LRP2: variants seen among roughly 807,000 people sequenced by gnomAD.
LRP2 encodes the protein LDL receptor related protein 2, also known as low-density lipoprotein receptor-related protein 2.
LRP2 carries 172 observed loss-of-function variants against 531.0 expected under a neutral mutation model. The observed-to-expected ratio is 0.32, with a 90% CI of 0.29 to 0.37. The LOEUF (loss-of-function observed/expected upper bound fraction) is 0.37. LRP2 is among the 10% of genes least tolerant of loss of function. The probability of loss-of-function intolerance (pLI) is 1.00; values close to 1 mark genes in which losing one functional copy is unlikely to be tolerated. For synonymous variants in LRP2, 1,992 were observed against 2,027.6 expected (o/e 0.98, Z 0.47); for missense variants, 5,167 against 5,868.3 (o/e 0.88, Z 3.90).
At chr2:169,159,338 G>A (rs1199388854) in intron 63 of LRP2, among the ~76,000 whole-genome samples, 1 of 152,124 alleles carries the variant, frequency 6.6e-6, no homozygotes, top group African/African-American at 2.4e-5. Flanking sequence ...CACTCTCAGA[G>A]TCCTTTAGGG....
intron 1 of LRP2, among the ~76,000 whole-genome samples, chr2:169,344,029 T>C (rs1473772810): frequency 2.0e-5 from 3 of 152,192 alleles, no homozygotes; most frequent in African/African-American, 7.2e-5. Context: ...ACCTATATCA[T>C]CTGTCCTACA....
At chr2:169,196,792 T>A in intron 46 of LRP2, 119 bp downstream of exon 46, 1 of 1,393,696 alleles carries the variant, frequency 7.2e-7, no homozygotes, top group Non-Finnish European at 1.0e-6. Flanking sequence ...AGATGAAAGC[T>A]GGGACAGGAA....
chr2:169,173,137 C>T lies in LRP2; in HGVS notation c.11102G>A (p.Gly3701Asp). 1.2e-6 allele frequency: 2 copies of T among 1,614,212 alleles called. No individual in the cohort carries two copies. Among genetic ancestry groups the T allele is most frequent in the Non-Finnish European group, 1.7e-6 (2 of 1,180,034 alleles). ...ACTGTTGTCCCTGCAGTCATCTACA[C>T]CATTGCACACGGCCCACTTTGGGAT... Reference protein sequence around the residue: ...RCIPKWAVCNGVDDCRDNSDE... With the variant: ...RCIPKWAVCNDVDDCRDNSDE... The change falls in exon 57 of 79, where the codon GGT (glycine) becomes GAT (aspartate). Residue 3701 changes from glycine (G) to aspartate (D), a missense_variant. By Grantham distance (94) the Gly-to-Asp change is moderately conservative. Coordinates refer to ENST00000649046, the MANE Select transcript of LRP2 (RefSeq NM_004525.3).
chr2:169,300,379 T>C (rs1175793849), intron 4 of LRP2, among the ~76,000 whole-genome samples: 2 of 152,058 alleles, frequency 1.3e-5, no homozygotes, highest in South Asian at 2.1e-4. Flanking sequence ...ATTGGTAGCA[T>C]TGAAAGAATA....
In LRP2 at chr2:169,182,052, G is replaced by A. The variant is rs1251325196; in HGVS notation, c.9998+115C>T. On this transcript the variant is annotated intron_variant, in intron 51 of 78. Coordinates refer to ENST00000649046, the MANE Select transcript of LRP2 (RefSeq NM_004525.3). ...AACAATTTACCAAGTAGGAAAAGCA[G>A]AAGACAAACCCCAGCAAGACATTGG... 5.1e-6 allele frequency: 7 copies of A among 1,374,408 alleles called. No homozygotes were observed. In the African/African-American group the frequency reaches 5.7e-5, roughly 11 times the overall value. The allele number at this position is 1,374,408 out of a possible 1,614,324, so 85.1% of individuals were successfully genotyped here.
chr2:169,339,768 G>C (rs1685513474), intron 1 of LRP2, among the ~76,000 whole-genome samples: 2 of 152,100 alleles, frequency 1.3e-5, no homozygotes, highest in African/African-American at 4.8e-5. Flanking sequence ...TTTCTGACTT[G>C]ATGATATTTT....
rs531263912 is a variant in LRP2, at chr2:169,140,614, C to T, written c.13109-69G>A. 237 of 1,239,452 alleles carry T rather than the reference C, an allele frequency of 1.9e-4. No homozygotes were observed. The East Asian group carries it at 4.9e-3, about 26-fold the overall frequency. The allele number at this position is 1,239,452 out of a possible 1,614,324, so 76.8% of individuals were successfully genotyped here. A position where few individuals can be genotyped will look rare whatever the true frequency, so the allele number is the denominator to read the frequency against. On this transcript the variant is annotated intron_variant, in intron 71 of 78. Coordinates refer to ENST00000649046, the MANE Select transcript of LRP2 (RefSeq NM_004525.3). ...AGCAGAGTGCCCACACCATGCAAAC[C>T]GGCCCAGGTTAGGGGTGGGAGGAGG...
At chr2:169,332,789 A>C (rs1685301376) in intron 1 of LRP2, among the ~76,000 whole-genome samples, 1 of 152,224 alleles carries the variant, frequency 6.6e-6, no homozygotes, top group Non-Finnish European at 1.5e-5. Flanking sequence ...AACGAAACCA[A>C]TGCTTCAACA....
In LRP2 at chr2:169,275,457, C is replaced by T. The variant is rs1683527898; in HGVS notation, c.1773-219G>A. 1.5e-5 allele frequency: 8 copies of T among 537,904 alleles called. No individual in the cohort carries two copies. In the South Asian group the frequency reaches 1.6e-4, roughly 11 times the overall value. 33.3% of individuals were successfully genotyped at this position (537,904 alleles called of 1,614,324 possible). A position where few individuals can be genotyped will look rare whatever the true frequency, so the allele number is the denominator to read the frequency against. ...TCTTGGAAAAGACCCTTGAGACTTA[C>T]ATTCCAGTCCCAGTCAATCCTTTAG... On this transcript the variant is annotated intron_variant, in intron 13 of 78. Coordinates refer to ENST00000649046, the MANE Select transcript of LRP2 (RefSeq NM_004525.3).
At position 169,318,876 on chromosome 2, in the gene LRP2, T is replaced by C. The variant is rs1213030084; in HGVS notation, c.196A>G (p.Thr66Ala). 1 of 1,614,044 alleles carries C rather than the reference T, an allele frequency of 6.2e-7. No individual in the cohort carries two copies. Among genetic ancestry groups the C allele is most frequent in the Non-Finnish European group, 8.5e-7 (1 of 1,179,976 alleles). ...CACTTGAAATAGCCCTGCTGGCAGG[T>C]CACAACAGCTAAAACAAACCAAAAG... is the stretch of plus-strand genomic sequence containing the variant. ...DADEIGCAVV[T>A]CQQGYFKCQS... The change falls in exon 3 of 79, where the codon ACC becomes GCC. Residue 66 changes from threonine (T) to alanine (A), a missense_variant. Thr to Ala is a moderately conservative substitution (Grantham distance 58). Transcript: ENST00000649046.
In LRP2 at chr2:169,197,033, G is replaced by T; in HGVS notation, c.8579-3C>A. 1 of 1,613,632 alleles carries T rather than the reference G, an allele frequency of 6.2e-7. No individual in the cohort carries two copies. The highest frequency in any genetic ancestry group is 8.5e-7 in the Non-Finnish European group (1 of 1,179,958). ...ACTGCTGCTGCACGTGTGAGTGGCT[G>T]CAGGAGGGAAAGAAGATAAAACCCA... On this transcript the variant is annotated splice_polypyrimidine_tract_variant and splice_region_variant and intron_variant, in intron 45 of 78. Coordinates refer to ENST00000649046, the MANE Select transcript of LRP2 (RefSeq NM_004525.3).
chr2:169,209,578 C>T lies in LRP2; in HGVS notation c.6344G>A (p.Ser2115Asn). 2 of 1,614,124 alleles carry T rather than the reference C, an allele frequency of 1.2e-6. No individual in the cohort carries two copies. Among genetic ancestry groups the T allele is most frequent in the Non-Finnish European group, 8.5e-7 (1 of 1,180,006 alleles). ...SSGFIYWCDF[S>N]SSVASDNAIR... is the part of the protein sequence containing the mutation. ...CGCATTATCAGATGCCACTGAGCTG[C>T]TAAAATCACACCAATAAATAAAGCC... Residue 2115 changes from serine to asparagine, a missense_variant, in exon 38 of 79, where the codon AGC (serine) becomes AAC (asparagine). Ser to Asn is a conservative substitution (Grantham distance 46, BLOSUM62 1). Transcript: ENST00000649046.
rs1455065750 is a variant in LRP2 at position 169,205,499 on chromosome 2, G to C, written c.7695C>G (p.Leu2565=). Residue 2565 remains leucine (L), a synonymous_variant, in exon 41 of 79, where the codon CTC becomes CTG. Transcript: ENST00000649046. ...CCTACAGACTAGCATCCACCCAGTA[G>C]AGAAGGTCCTCTTCATAGTCCAGAG... is the stretch of plus-strand genomic sequence containing the variant. ...GLTLDYEEDL[L]YWVDASLQRI... 1.2e-6 allele frequency: 2 copies of C among 1,614,080 alleles called. No individual in the cohort carries two copies. The highest frequency in any genetic ancestry group is 2.2e-5 in the South Asian group (2 of 91,078).
At chr2:169,155,551 T>C (rs560966665) in intron 65 of LRP2, among the ~76,000 whole-genome samples, 17 of 152,330 alleles carry the variant, frequency 1.1e-4, no homozygotes, top group Non-Finnish European at 1.9e-4. Context: ...TATTTTCTTA[T>C]CAAGTTCCTT....
At chr2:169,321,595 T>TA (rs1227799839) in intron 1 of LRP2, among the ~76,000 whole-genome samples, 1 of 152,202 alleles carries the variant, frequency 6.6e-6, no homozygotes, top group Non-Finnish European at 1.5e-5. Flanking sequence ...AGTGATTTTT[T>TA]ATTACTAAAT....
intron 19 of LRP2, among the ~76,000 whole-genome samples, chr2:169,255,871 C>A (rs182832781): frequency 1.3e-5 from 2 of 152,100 alleles, no homozygotes; most frequent in African/African-American, 2.4e-5. Flanking sequence ...GTGCTGTACC[C>A]ATATACACTG....
intron 77 of LRP2, 151 bp from the exon 78 acceptor site, chr2:169,129,235 G>A: frequency 1.5e-6 from 1 of 677,764 alleles, no homozygotes; most frequent in South Asian, 1.7e-5. Context: ...ATGGTAAATT[G>A]TTCAATTCCT....
intron 61 of LRP2, among the ~76,000 whole-genome samples, chr2:169,166,836 T>C (rs778743604): frequency 2.0e-5 from 3 of 152,190 alleles, no homozygotes; most frequent in Non-Finnish European, 4.4e-5. Flanking sequence ...GAACTCAACA[T>C]ACATGTGGTC....
intron 16 of LRP2, among the ~76,000 whole-genome samples, chr2:169,263,189 AG>A (rs1690643131): frequency 6.6e-6 from 1 of 152,102 alleles, no homozygotes; most frequent in Admixed American, 6.6e-5. Context: ...GCATGGGCAA[AG>A]ACTTCATGTC....
Sources: allele counts gnomAD v4.1 joint callset (sites outside exome capture counted in the v4.1 genomes callset), GRCh38; gene constraint gnomAD v4.1.1; transcripts MANE v1.5; gene names NCBI Gene and HGNC (gene_info 2026-07-23, HGNC 2026-07-21).